Variants in KTN1 observed in about 807,000 individuals in gnomAD.
The protein encoded by KTN1 is kinectin.
Under a neutral mutation model 222.5 loss-of-function variants are expected in KTN1, and 130 were observed. The observed-to-expected ratio is 0.58, with a 90% CI of 0.51 to 0.68. KTN1 has a LOEUF of 0.68. KTN1 is among the 30% of genes least tolerant of loss of function. The pLI is 0.00. For synonymous variants in KTN1, 512 were observed against 496.3 expected (o/e 1.03, Z -0.42); for missense variants, 1,508 against 1,500.4 (o/e 1.01, Z -0.08).
At position 55,653,005 on chromosome 14, in the gene KTN1, A is replaced by G. The variant is rs755056404; in HGVS notation, c.2695-12A>G. On this transcript the variant is annotated splice_polypyrimidine_tract_variant and intron_variant, in intron 26 of 43. Coordinates refer to ENST00000395314, the MANE Select transcript of KTN1 (RefSeq NM_001079521.2). ...TTGACTATCAATTTAATTTACACCT[A>G]TTCTTTTTAAGGATCTTCAAGAAGA... The G allele has an allele frequency of 1.9e-6, 3 of 1,595,246 alleles. No individual in the cohort carries two copies. The highest frequency in any genetic ancestry group is 1.7e-6 in the Non-Finnish European group (2 of 1,164,686).
chr14:55,668,217 G>A (rs544281134), intron 34 of KTN1: 2 of 152,108 alleles, frequency 1.3e-5, no homozygotes, highest in African/African-American at 4.8e-5. Context: ...GTCATAAATT[G>A]TCTGTTTTAT....
At chr14:55,620,185 C>T (rs2038950090) in intron 5 of KTN1, among the ~76,000 whole-genome samples, 1 of 152,326 alleles carries the variant, frequency 6.6e-6, no homozygotes, top group East Asian at 1.9e-4. Flanking sequence ...CATGCTGTTT[C>T]AAGAGGTGGA....
chr14:55,652,267 A>T (rs1189158545), intron 25 of KTN1, among the ~76,000 whole-genome samples: 1 of 152,194 alleles, frequency 6.6e-6, no homozygotes, highest in East Asian at 1.9e-4. Context: ...TATTGACTTA[A>T]ACAAGGTGAT....
At chr14:55,616,412 T>C (rs2038398200) in intron 2 of KTN1, 105 bp from the exon 3 acceptor site, 2 of 1,062,460 alleles carry the variant, frequency 1.9e-6, no homozygotes, top group Admixed American at 2.8e-5. Flanking sequence ...TGTCAGACTT[T>C]AAATTTTTAG....
chr14:55,588,087 C>T (rs1327881183), intron 1 of KTN1, among the ~76,000 whole-genome samples: 3 of 152,116 alleles, frequency 2.0e-5, no homozygotes, highest in Non-Finnish European at 4.4e-5. Flanking sequence ...TTTGACTCTC[C>T]AGAAACTTAA....
chr14:55,640,997 G>T (rs148308703), intron 16 of KTN1, 27 bp downstream of exon 16: 1 of 1,575,520 alleles, frequency 6.3e-7, no homozygotes, highest in South Asian at 1.1e-5. Context: ...ACATCTAGTC[G>T]TTCATACATT....
rs183856244 is a variant in KTN1, at chr14:55,589,744, C to T, written c.-31+9390C>T. ...CACGATCTCTGCTCACTGCAACCTC[C>T]GCCTCCCAGGTTCAAGTGATTCTCC... On this transcript the variant is annotated intron_variant, in intron 1 of 43. Coordinates refer to ENST00000395314, the MANE Select transcript of KTN1 (RefSeq NM_001079521.2). Among the ~76,000 whole-genome samples the T allele has an allele frequency of 5.6e-3, 846 of 150,628 alleles. 8 individuals carry two copies. Among genetic ancestry groups the T allele is most frequent in the African/African-American group, 0.019 (798 of 40,956 alleles).
In KTN1 at chr14:55,667,313, T is replaced by C; in HGVS notation, c.3250T>C (p.Ser1084Pro). The C allele has an allele frequency of 6.3e-7, 1 of 1,588,620 alleles. No individual in the cohort carries two copies. Among genetic ancestry groups the C allele is most frequent in the Non-Finnish European group, 8.6e-7 (1 of 1,162,734 alleles). Residue 1084 changes from serine (S) to proline (P), a missense_variant, in exon 34 of 44, where the codon TCT (serine) becomes CCT (proline). Physicochemically the swap from Ser to Pro is moderately conservative, Grantham distance 74. Transcript: ENST00000395314. The stretch of plus-strand genomic sequence containing the variant: ...TCTCAAAAAATTATTTCCAAAGGTG[T>C]CTGTCCCTTCTAATTTGGTAAGACT... ...EVLKKLFPKV[S>P]VPSNLSYGEW...
rs1322599935 is a variant in KTN1 at position 55,618,005 on chromosome 14, C to T, written c.703C>T (p.Pro235Ser). Reference protein sequence around the residue: ...EPLIHATTYIPLMDNADSSPV... With the variant: ...EPLIHATTYISLMDNADSSPV... Reference sequence around the variant, plus strand: ...CCTTATTCATGCAACTACTTATATTCCTTTGATGGATAATGCTGACTCAAG... The same window carrying T: ...CCTTATTCATGCAACTACTTATATTTCTTTGATGGATAATGCTGACTCAAG... The change falls in exon 4 of 44, where the codon CCT (proline) becomes TCT (serine). Residue 235 changes from proline (P) to serine (S), a missense_variant. Transcript: ENST00000395314. 9 of 1,610,912 alleles carry T rather than the reference C, an allele frequency of 5.6e-6. No homozygotes were observed. The highest frequency in any genetic ancestry group is 7.6e-6 in the Non-Finnish European group (9 of 1,178,288).
At chr14:55,670,028 AATTT>A (rs2045306731) in intron 34 of KTN1, among the ~76,000 whole-genome samples, 1 of 152,046 alleles carries the variant, frequency 6.6e-6, no homozygotes, top group African/African-American at 2.4e-5. Context: ...AAGCATCAAT[AATTT>A]AGAGTAATTT....
Position 55,613,183 on chromosome 14 carries a change from A to G in KTN1, c.523+612A>G, listed in dbSNP as rs192924158. On this transcript the variant is annotated intron_variant, in intron 2 of 43. Transcript: ENST00000395314. ...AGTCGTGTGCTAGCTGTAGACACAG[A>G]TAGGTCATTATGAAAGATTTAGTGT... Among the ~76,000 whole-genome samples, 66 of 152,134 alleles carry G rather than the reference A, an allele frequency of 4.3e-4. 2 individuals are homozygous for G. Among genetic ancestry groups the G allele is most frequent in the African/African-American group, 1.5e-3 (64 of 41,392 alleles).
intron 7 of KTN1, among the ~76,000 whole-genome samples, chr14:55,631,341 G>GAGATAGAGATATATAT (rs71448461): frequency 8.7e-6 from 1 of 114,718 alleles, no homozygotes; most frequent in Non-Finnish European, 1.7e-5. Context: ...TGATAAGGTT[G>GAGATAGAGATATATAT]ATATATATAT....
intron 10 of KTN1, among the ~76,000 whole-genome samples, chr14:55,636,878 A>C (rs1257808051): frequency 2.6e-5 from 4 of 151,530 alleles, no homozygotes; most frequent in African/African-American, 9.7e-5. Flanking sequence ...TCTTATTTTG[A>C]AGAGAAAAAC....
At chr14:55,671,958 T>A (rs1034982849) in intron 37 of KTN1, 81 bp downstream of exon 37, 10 of 827,128 alleles carry the variant, frequency 1.2e-5, no homozygotes, top group Non-Finnish European at 1.8e-5. Context: ...ACCATGCACA[T>A]TCTTGGGCCC....
chr14:55,635,987 A>C (rs1053468491), intron 9 of KTN1, among the ~76,000 whole-genome samples: 6 of 152,200 alleles, frequency 3.9e-5, no homozygotes, highest in African/African-American at 1.4e-4. Context: ...GATATGGATA[A>C]ATAAATGACA....
chr14:55,634,729 A>G (rs1042680386), intron 9 of KTN1, 71 bp downstream of exon 9: 8 of 1,335,320 alleles, frequency 6.0e-6, no homozygotes, highest in Admixed American at 4.5e-5. Flanking sequence ...TCATACTGGT[A>G]TGAAGAACTG....
chr14:55,680,863 C>T, intron 43 of KTN1: 2 of 446,822 alleles, frequency 4.5e-6, no homozygotes, highest in South Asian at 1.9e-5. Flanking sequence ...TCTCCAGTTT[C>T]CCAATGTAAA....
At chr14:55,611,370 G>A (rs144010724) in intron 1 of KTN1, among the ~76,000 whole-genome samples, 95 of 151,134 alleles carry the variant, frequency 6.3e-4, no homozygotes, top group African/African-American at 2.3e-3. Context: ...CTAAAGTGGT[G>A]GGATTCAGGC....
chr14:55,650,474 A>G, intron 23 of KTN1, 56 bp downstream of exon 23: 1 of 1,511,772 alleles, frequency 6.6e-7, no homozygotes, highest in Non-Finnish European at 9.1e-7. Context: ...TTTAGTTAAT[A>G]TCATTTAATT....
Sources: allele counts gnomAD v4.1 joint callset (sites outside exome capture counted in the v4.1 genomes callset), GRCh38; gene constraint gnomAD v4.1.1; transcripts MANE v1.5; gene names NCBI Gene and HGNC (gene_info 2026-07-23, HGNC 2026-07-21).